The following CNTN4 variants were observed in gnomAD, a reference collection of about 807,000 sequenced individuals.
CNTN4 encodes the protein contactin 4.
Under a neutral mutation model 122.5 loss-of-function variants are expected in CNTN4, and 77 were observed. The observed-to-expected ratio is 0.63, with a 90% confidence interval of 0.52 to 0.76. CNTN4 has a LOEUF of 0.76. Ranked by LOEUF, CNTN4 falls within the 30% of genes least tolerant of loss-of-function variation. The probability of loss-of-function intolerance (pLI) is 0.00; values close to 1 mark genes in which losing one functional copy is unlikely to be tolerated. For missense variants in CNTN4, 1,256 were observed against 1,259.1 expected (o/e 1.00, Z 0.04); for synonymous variants, 512 against 447.0 (o/e 1.15, Z -1.83).
chr3:2,472,534 T>C (rs1283973951), intron 3 of CNTN4, among the ~76,000 whole-genome samples: 1 of 152,126 alleles, frequency 6.6e-6, no homozygotes, highest in African/African-American at 2.4e-5. Flanking sequence ...TCACTGCACC[T>C]GGCCTCAAGG....
chr3:2,174,771 C>T (rs1487075128), intron 2 of CNTN4, among the ~76,000 whole-genome samples: 1 of 152,180 alleles, frequency 6.6e-6, no homozygotes, highest in East Asian at 1.9e-4. Context: ...GGCATCTGCT[C>T]AGCTTCTGGA....
intron 7 of CNTN4, among the ~76,000 whole-genome samples, chr3:2,847,795 T>C (rs536064187): frequency 2.6e-5 from 4 of 152,168 alleles, no homozygotes; most frequent in Non-Finnish European, 5.9e-5. Flanking sequence ...TCAGAACAGA[T>C]CATTTATAGA....
At chr3:2,212,342 G>A (rs1465482575) in intron 2 of CNTN4, among the ~76,000 whole-genome samples, 2 of 152,066 alleles carry the variant, frequency 1.3e-5, no homozygotes, top group Non-Finnish European at 2.9e-5. Flanking sequence ...TTCTCTTGTT[G>A]CCAATAAAGA....
chr3:2,736,532 C>G (rs909897515), intron 5 of CNTN4, among the ~76,000 whole-genome samples, 191 bp downstream of exon 5: 2 of 151,456 alleles, frequency 1.3e-5, no homozygotes, highest in African/African-American at 4.8e-5. Flanking sequence ...GGTGTGATCT[C>G]AGCTCACCAC....
intron 14 of CNTN4, among the ~76,000 whole-genome samples, chr3:3,002,338 A>G (rs1696133243): frequency 6.6e-6 from 1 of 152,192 alleles, no homozygotes; most frequent in South Asian, 2.1e-4. Context: ...GCCATAAAAT[A>G]CCGACAAAGT....
intron 3 of CNTN4, among the ~76,000 whole-genome samples, chr3:2,504,797 C>T (rs967879799): frequency 3.9e-5 from 6 of 152,074 alleles, no homozygotes; most frequent in African/African-American, 7.2e-5. Context: ...CACAAAAAAG[C>T]AACCAGAAAA....
chr3:2,260,506 A>AT (rs1391358680), intron 2 of CNTN4, among the ~76,000 whole-genome samples: 1 of 152,086 alleles, frequency 6.6e-6, no homozygotes, highest in African/African-American at 2.4e-5. Flanking sequence ...ATTGTGGCAG[A>AT]TGAGGTAAGC....
At chr3:2,483,035 A>G (rs563498866) in intron 3 of CNTN4, among the ~76,000 whole-genome samples, 1 of 146,886 alleles carries the variant, frequency 6.8e-6, no homozygotes, top group Non-Finnish European at 1.5e-5. Flanking sequence ...TACAGCTTGT[A>G]CTGTGCACCT....
intron 2 of CNTN4, among the ~76,000 whole-genome samples, chr3:2,185,210 C>G (rs753279664): frequency 6.6e-6 from 1 of 152,172 alleles, no homozygotes; most frequent in Non-Finnish European, 1.5e-5. Context: ...AGACAAATGA[C>G]TCATCCATTC....
intron 2 of CNTN4, among the ~76,000 whole-genome samples, chr3:2,184,230 C>T (rs1389600496): frequency 6.6e-5 from 10 of 152,164 alleles, no homozygotes; most frequent in African/African-American, 2.2e-4. Context: ...AAGTAATCCA[C>T]CAGCTTTGGC....
chr3:2,437,404 A>G (rs780675480), intron 3 of CNTN4, among the ~76,000 whole-genome samples: 1 of 152,200 alleles, frequency 6.6e-6, no homozygotes, highest in Non-Finnish European at 1.5e-5. Context: ...GTGATGAATG[A>G]CAGATTTTTA....
chr3:2,419,721 G>C (rs773256893), intron 3 of CNTN4, among the ~76,000 whole-genome samples: 2 of 152,098 alleles, frequency 1.3e-5, no homozygotes, highest in Non-Finnish European at 2.9e-5. Flanking sequence ...AATATGTTAA[G>C]GAAACCTGTA....
At position 2,295,892 on chromosome 3, in the gene CNTN4, A is replaced by G. The variant is rs138297682; in HGVS notation, c.-144-43286A>G. ...AAGGGATCCAGTTTCAGCTTTCTACATATGACTAGCCAGTTTTCCCAGCAC... is the reference window on the plus strand; with the variant it reads ...AAGGGATCCAGTTTCAGCTTTCTACGTATGACTAGCCAGTTTTCCCAGCAC... On this transcript the variant is annotated intron_variant, in intron 2 of 24. Transcript: ENST00000418658. Among the ~76,000 whole-genome samples the G allele has an allele frequency of 5.7e-3, 875 of 152,318 alleles. 7 individuals carry two copies. Among genetic ancestry groups the G allele is most frequent in the East Asian group, 0.031 (160 of 5,180 alleles).
At chr3:2,481,017 C>CTTTTCTT (rs1201130018) in intron 3 of CNTN4, among the ~76,000 whole-genome samples, 64 of 147,680 alleles carry the variant, frequency 4.3e-4, no homozygotes, top group African/African-American at 1.3e-3. Flanking sequence ...TTCTTTCTTT[C>CTTTTCTT]TTTCTTTTCT....
chr3:2,878,987 C>T (rs59370738), intron 8 of CNTN4, among the ~76,000 whole-genome samples: 3 of 152,084 alleles, frequency 2.0e-5, no homozygotes, highest in East Asian at 3.9e-4. Context: ...GTGGAAGCCA[C>T]CCAAATGCCC....
chr3:2,708,797 C>T (rs2086914468), intron 4 of CNTN4, among the ~76,000 whole-genome samples: 1 of 151,778 alleles, frequency 6.6e-6, no homozygotes, highest in Non-Finnish European at 1.5e-5. Context: ...AGGATTTTTT[C>T]CTAGCATGAA....
intron 5 of CNTN4, among the ~76,000 whole-genome samples, chr3:2,743,039 C>G (rs138467221): frequency 1.3e-5 from 2 of 152,266 alleles, no homozygotes; most frequent in East Asian, 3.9e-4. Flanking sequence ...ACTTTCTGCA[C>G]AGCATTTTAG....
intron 7 of CNTN4, among the ~76,000 whole-genome samples, chr3:2,860,084 C>T (rs899768637): frequency 3.9e-5 from 6 of 152,184 alleles, no homozygotes; most frequent in Admixed American, 2.6e-4. Flanking sequence ...CGAGTAGTCT[C>T]TTAGTTGGAA....
At chr3:2,943,692 C>T (rs1354792294) in intron 13 of CNTN4, among the ~76,000 whole-genome samples, 1 of 145,490 alleles carries the variant, frequency 6.9e-6, no homozygotes, top group South Asian at 2.2e-4. Flanking sequence ...GGTGCAATCT[C>T]GGCTCACTGC....
Sources: gnomAD v4.1 joint callset for allele counts (sites outside exome capture counted in the v4.1 genomes callset) on GRCh38, gnomAD v4.1.1 for gene constraint, MANE v1.5 for transcripts, NCBI Gene and HGNC (gene_info 2026-07-23, HGNC 2026-07-21) for gene names.